Variants in PLPPR5 observed in about 807,000 individuals in gnomAD.
The protein encoded by PLPPR5 is phospholipid phosphatase-related protein type 5.
A neutral mutation model predicts 33.9 loss-of-function variants in PLPPR5; 16 were observed. That is an observed-to-expected ratio of 0.47 (90% CI 0.32 to 0.72). The LOEUF (loss-of-function observed/expected upper bound fraction) is 0.72. PLPPR5 is among the 30% of genes least tolerant of loss of function. The probability of loss-of-function intolerance (pLI) is 0.03; values close to 1 mark genes in which losing one functional copy is unlikely to be tolerated. For synonymous variants in PLPPR5, 163 were observed against 150.3 expected (o/e 1.08, Z -0.62); for missense variants, 301 against 406.7 (o/e 0.74, Z 2.23).
intron 1 of PLPPR5, among the ~76,000 whole-genome samples, chr1:98,997,122 T>G (rs1020992635): frequency 3.3e-5 from 5 of 152,174 alleles, no homozygotes; most frequent in South Asian, 4.1e-4. Flanking sequence ...CTCTGCATTA[T>G]CAATAAAAAT....
chr1:98,972,785 G>A (rs1651704090), intron 1 of PLPPR5, among the ~76,000 whole-genome samples: 1 of 152,030 alleles, frequency 6.6e-6, no homozygotes, highest in East Asian at 1.9e-4. Context: ...GTCAGGTCCT[G>A]ATGGCCCTGA....
chr1:98,997,519 T>A (rs1003017936), intron 1 of PLPPR5, among the ~76,000 whole-genome samples: 1 of 152,224 alleles, frequency 6.6e-6, no homozygotes, highest in Admixed American at 6.5e-5. Flanking sequence ...ACGAGATGAT[T>A]CTTTCTAATC....
chr1:98,994,706 A>G (rs1238518761), intron 1 of PLPPR5, among the ~76,000 whole-genome samples: 6 of 152,154 alleles, frequency 3.9e-5, no homozygotes, highest in Non-Finnish European at 5.9e-5. Flanking sequence ...ATTTTATCAG[A>G]AAGGTCCCAC....
intron 5 of PLPPR5, among the ~76,000 whole-genome samples, chr1:98,905,472 C>T (rs1454897610): frequency 2.0e-5 from 3 of 152,004 alleles, no homozygotes; most frequent in African/African-American, 7.2e-5. Context: ...TTTTAAAATG[C>T]TTGAACATTT....
chr1:98,997,980 G>C (rs1652686980), intron 1 of PLPPR5, among the ~76,000 whole-genome samples: 1 of 152,118 alleles, frequency 6.6e-6, no homozygotes, highest in Non-Finnish European at 1.5e-5. Context: ...AGAGAAGGGT[G>C]GAAGAGGTGA....
chr1:98,974,960 T>G (rs1175419384), intron 1 of PLPPR5, among the ~76,000 whole-genome samples: 2 of 152,062 alleles, frequency 1.3e-5, no homozygotes, highest in Non-Finnish European at 2.9e-5. Context: ...GCTAAGGCAC[T>G]GTTCTCTTAC....
chr1:98,958,956 C>A, intron 1 of PLPPR5, among the ~76,000 whole-genome samples: 1 of 152,168 alleles, frequency 6.6e-6, no homozygotes, highest in East Asian at 1.9e-4. Flanking sequence ...CCATGGTACA[C>A]TGCACCCCAA....
intron 4 of PLPPR5, among the ~76,000 whole-genome samples, chr1:98,918,957 T>C (rs1420972062): frequency 6.6e-6 from 1 of 152,136 alleles, no homozygotes; most frequent in Non-Finnish European, 1.5e-5. Flanking sequence ...GAAAAAGACT[T>C]CACAGGGAGC....
chr1:98,981,985 T>G (rs930528099), intron 1 of PLPPR5, among the ~76,000 whole-genome samples: 2 of 152,136 alleles, frequency 1.3e-5, no homozygotes, highest in Non-Finnish European at 2.9e-5. Context: ...AAAGTACCAC[T>G]AATTTTTATC....
chr1:98,928,339 T>C (rs1570705504), intron 3 of PLPPR5, among the ~76,000 whole-genome samples: 1 of 151,858 alleles, frequency 6.6e-6, no homozygotes, highest in East Asian at 1.9e-4. Context: ...CAGATGAAAA[T>C]TTAGTGTCTG....
In PLPPR5 at chr1:98,953,439, T is replaced by C. The variant is rs550689936; in HGVS notation, c.371-119A>G. The C allele has an allele frequency of 3.0e-5, 42 of 1,390,608 alleles. 1 individual carries two copies. The South Asian group carries it at 4.3e-4, about 14-fold the overall frequency. The allele number at this position is 1,390,608 out of a possible 1,614,324, so 86.1% of individuals were successfully genotyped here. A position where few individuals can be genotyped will look rare whatever the true frequency, so the allele number is the denominator to read the frequency against. ...ACCAAAATGGAAATATTTTAGAAAC[T>C]ATAAAATATTCCATGCATATACATA... is the stretch of plus-strand genomic sequence containing the variant. On this transcript the variant is annotated intron_variant, in intron 2 of 5. Coordinates refer to ENST00000263177, the MANE Select transcript of PLPPR5 (RefSeq NM_001037317.2).
intron 3 of PLPPR5, among the ~76,000 whole-genome samples, chr1:98,944,499 C>T (rs1650485483): frequency 6.6e-6 from 1 of 152,210 alleles, no homozygotes; most frequent in East Asian, 1.9e-4. Flanking sequence ...TGTGAGGGCA[C>T]AATGACTAGA....
intron 1 of PLPPR5, among the ~76,000 whole-genome samples, chr1:98,971,458 T>A (rs967059732): frequency 6.6e-6 from 1 of 152,104 alleles, no homozygotes; most frequent in Non-Finnish European, 1.5e-5. Flanking sequence ...TCAGTTTTTA[T>A]CTGATTTCCC....
rs140897933 is a variant in PLPPR5 at position 98,957,947 on chromosome 1, G to C, written c.238-1206C>G. On this transcript the variant is annotated intron_variant, in intron 1 of 5. Transcript: ENST00000263177. ...CATGGTCCTCAAAATCACCTAGTAAGGTATTACAGGAAGTATTAATATTCC... is the reference window on the plus strand; with the variant it reads ...CATGGTCCTCAAAATCACCTAGTAACGTATTACAGGAAGTATTAATATTCC... Among the ~76,000 whole-genome samples the C allele has an allele frequency of 5.2e-3, 797 of 152,218 alleles. 3 individuals are homozygous for C. The highest frequency in any genetic ancestry group is 0.018 in the African/African-American group (747 of 41,530).
intron 5 of PLPPR5, 68 bp from the exon 6 acceptor site, chr1:98,893,172 C>T (rs1290396976): frequency 1.4e-6 from 2 of 1,414,122 alleles, no homozygotes; most frequent in South Asian, 1.2e-5. Context: ...ATATGTAGTA[C>T]CTTTACAAAT....
chr1:98,960,423 C>T (rs578251790), intron 1 of PLPPR5, among the ~76,000 whole-genome samples: 2 of 152,198 alleles, frequency 1.3e-5, no homozygotes, highest in East Asian at 1.9e-4. Flanking sequence ...AGGCTGGTCT[C>T]GAATTCCTCA....
At chr1:98,915,692 C>A (rs1255399837) in intron 4 of PLPPR5, among the ~76,000 whole-genome samples, 4 of 152,114 alleles carry the variant, frequency 2.6e-5, no homozygotes. Flanking sequence ...AGGTTCTCAT[C>A]CTTAATGTGC....
intron 1 of PLPPR5, among the ~76,000 whole-genome samples, chr1:98,964,261 G>A (rs1651355849): frequency 6.6e-6 from 1 of 152,208 alleles, no homozygotes; most frequent in South Asian, 2.1e-4. Context: ...TCTAGACAGA[G>A]TTGAGATGAT....
intron 5 of PLPPR5, among the ~76,000 whole-genome samples, chr1:98,902,998 T>C (rs989854328): frequency 1.3e-5 from 2 of 152,098 alleles, no homozygotes; most frequent in Non-Finnish European, 2.9e-5. Context: ...AAAAATTGAT[T>C]CTGAGTATAC....
Sources: gnomAD v4.1 joint callset for allele counts (sites outside exome capture counted in the v4.1 genomes callset) on GRCh38, gnomAD v4.1.1 for gene constraint, MANE v1.5 for transcripts, NCBI Gene and HGNC (gene_info 2026-07-23, HGNC 2026-07-21) for gene names.